Variants in RTN4RL2 observed in about 807,000 individuals in gnomAD.
RTN4RL2 encodes the protein reticulon 4 receptor like 2.
In RTN4RL2, 9 loss-of-function variants were observed where a neutral mutation model predicts 27.8. That is an observed-to-expected ratio of 0.32 (90% CI 0.20 to 0.57). RTN4RL2 has a LOEUF of 0.57. Among genes scored for constraint, RTN4RL2 ranks in the 20% least tolerant of loss-of-function variants. The probability of loss-of-function intolerance (pLI) is 0.90; values close to 1 mark genes in which losing one functional copy is unlikely to be tolerated. For missense variants in RTN4RL2, 436 were observed against 596.8 expected (o/e 0.73, Z 2.81); for synonymous variants, 285 against 297.9 (o/e 0.96, Z 0.45).
intron 1 of RTN4RL2, among the ~76,000 whole-genome samples, chr11:57,466,479 AAAAG>A (rs1184077132): frequency 6.6e-6 from 1 of 152,166 alleles, no homozygotes; most frequent in African/African-American, 2.4e-5. Context: ...CCAAAAGAAA[AAAAG>A]AAAGAAGTTT....
At position 57,477,024 on chromosome 11, in the gene RTN4RL2, C is replaced by A; in HGVS notation, c.*113C>A. 9.0e-7 allele frequency: 1 copy of A among 1,105,562 alleles called. No individual in the cohort carries two copies. Among genetic ancestry groups the A allele is most frequent in the South Asian group, 1.6e-5 (1 of 61,270 alleles). The allele number at this position is 1,105,562 out of a possible 1,614,324, so 68.5% of individuals were successfully genotyped here. ...TCCCTGGCCTTGCTGCCTCCCTTTC[C>A]CCTCCCAGCTCCTCTCCTCCCCGGG... is the stretch of plus-strand genomic sequence containing the variant. On this transcript the variant is annotated 3_prime_UTR_variant, in exon 3 of 3. Transcript: ENST00000335099.
At chr11:57,465,140 C>A (rs1034624354) in intron 1 of RTN4RL2, among the ~76,000 whole-genome samples, 1 of 152,002 alleles carries the variant, frequency 6.6e-6, no homozygotes, top group African/African-American at 2.4e-5. Flanking sequence ...CCACCCCGCA[C>A]CTGTGTGCTC....
At chr11:57,466,292 A>G (rs1943524473) in intron 1 of RTN4RL2, among the ~76,000 whole-genome samples, 1 of 151,998 alleles carries the variant, frequency 6.6e-6, no homozygotes, top group Non-Finnish European at 1.5e-5. Flanking sequence ...GGCGTGAGCC[A>G]CCGCGCCCGG....
chr11:57,462,033 G>T (rs954952220), intron 1 of RTN4RL2, among the ~76,000 whole-genome samples: 1 of 151,926 alleles, frequency 6.6e-6, no homozygotes, highest in South Asian at 2.1e-4. Flanking sequence ...TGGGCCAGAT[G>T]GGGGGTGCTT....
chr11:57,475,307 T>G (rs1368498799), intron 2 of RTN4RL2, among the ~76,000 whole-genome samples: 1 of 152,144 alleles, frequency 6.6e-6, no homozygotes, highest in African/African-American at 2.4e-5. Flanking sequence ...GATTTTGAAC[T>G]AGGGCTCTAA....
intron 1 of RTN4RL2, among the ~76,000 whole-genome samples, chr11:57,465,977 C>A (rs1368845096): frequency 1.3e-5 from 2 of 149,872 alleles, no homozygotes; most frequent in Non-Finnish European, 3.0e-5. Context: ...CATAGCAAGA[C>A]CCCATGCCTA....
At chr11:57,466,168 A>AT (rs1015005976) in intron 1 of RTN4RL2, among the ~76,000 whole-genome samples, 89 of 148,628 alleles carry the variant, frequency 6.0e-4, no homozygotes, top group African/African-American at 2.0e-3. Flanking sequence ...GCCCGGCTAA[A>AT]TTTTTTTTTT....
At position 57,460,714 on chromosome 11, in the gene RTN4RL2, G is replaced by T. The variant is rs1048210170; in HGVS notation, c.-152G>T. 21 of 349,012 alleles carry T rather than the reference G, an allele frequency of 6.0e-5. No individual in the cohort carries two copies. The highest frequency in any genetic ancestry group is 1.0e-4 in the Non-Finnish European group (20 of 191,304). 21.6% of individuals were successfully genotyped at this position (349,012 alleles called of 1,614,324 possible). Reference sequence around the variant, plus strand: ...TCCCGAGGCCCGCAGCCCGGGCGGCGCAGGGTAGAGCGCCGCGGCCCGGCC... The same window carrying T: ...TCCCGAGGCCCGCAGCCCGGGCGGCTCAGGGTAGAGCGCCGCGGCCCGGCC... On this transcript the variant is annotated 5_prime_UTR_variant, in exon 1 of 3. Transcript: ENST00000335099.
In RTN4RL2 at chr11:57,467,747, C is replaced by A; in HGVS notation, c.170C>A (p.Ser57Tyr). Residue 57 changes from serine to tyrosine, a missense_variant, in exon 2 of 3, where the codon TCC becomes TAC. Transcript: ENST00000335099. The surrounding 1 kb of genome is among the most constrained non-coding windows in gnomAD (Gnocchi z 5.5). ...QANNFSSVPL[S>Y]LPPSTQRLFL... Reference sequence around the variant, plus strand: ...AACAACTTCTCCTCTGTGCCGCTGTCCCTGCCACCCAGCACTCAGCGACTC... The same window carrying A: ...AACAACTTCTCCTCTGTGCCGCTGTACCTGCCACCCAGCACTCAGCGACTC... 1 of 1,613,870 alleles carries A rather than the reference C, an allele frequency of 6.2e-7. No homozygotes were observed. Among genetic ancestry groups the A allele is most frequent in the South Asian group, 1.1e-5 (1 of 91,070 alleles).
intron 2 of RTN4RL2, among the ~76,000 whole-genome samples, chr11:57,471,412 G>C (rs1027941267): frequency 6.6e-6 from 1 of 152,230 alleles, no homozygotes; most frequent in Non-Finnish European, 1.5e-5. Flanking sequence ...GGAAGTGTTT[G>C]TTCTCTACGC....
chr11:57,477,074 C>A lies in RTN4RL2; in HGVS notation c.*163C>A, dbSNP rs2135126191. Reference sequence around the variant, plus strand: ...GGAGCAGGCCGCCTCTCCTTGCCTGCCCCCTGGGCTGTCCTGACTTGTGGC... The same window carrying A: ...GGAGCAGGCCGCCTCTCCTTGCCTGACCCCTGGGCTGTCCTGACTTGTGGC... On this transcript the variant is annotated 3_prime_UTR_variant, in exon 3 of 3. Transcript: ENST00000335099. 1 of 656,646 alleles carries A rather than the reference C, an allele frequency of 1.5e-6. No homozygotes were observed. The allele number at this position is 656,646 out of a possible 1,614,324, so 40.7% of individuals were successfully genotyped here. A position where few individuals can be genotyped will look rare whatever the true frequency, so the allele number is the denominator to read the frequency against.
At chr11:57,470,925 G>C (rs944194716) in intron 2 of RTN4RL2, among the ~76,000 whole-genome samples, 1 of 152,002 alleles carries the variant, frequency 6.6e-6, no homozygotes, top group Non-Finnish European at 1.5e-5. Flanking sequence ...AATAGGAAAC[G>C]AGTTAGTGTA....
At chr11:57,468,650 G>T (rs775695289) in intron 2 of RTN4RL2, 1 of 1,536,156 alleles carries the variant, frequency 6.5e-7, no homozygotes, top group Admixed American at 2.0e-5. Flanking sequence ...AGAAGGCAGA[G>T]CCACAGCCAC....
intron 2 of RTN4RL2, among the ~76,000 whole-genome samples, chr11:57,472,501 G>C (rs755191121): frequency 1.3e-5 from 2 of 152,154 alleles, no homozygotes; most frequent in Admixed American, 6.5e-5. Flanking sequence ...ATGAGCCACC[G>C]TACACAGCTG....
At chr11:57,464,108 G>T (rs891313199) in intron 1 of RTN4RL2, among the ~76,000 whole-genome samples, 6 of 152,276 alleles carry the variant, frequency 3.9e-5, no homozygotes, top group Non-Finnish European at 8.8e-5. Flanking sequence ...CAGAGAGCCT[G>T]CAGGGACCAC....
intron 2 of RTN4RL2, 134 bp downstream of exon 2, chr11:57,468,224 CTCTG>C (rs922764391): frequency 1.7e-5 from 16 of 954,534 alleles, no homozygotes; most frequent in Non-Finnish European, 1.4e-5. Flanking sequence ...CTCCATTTCT[CTCTG>C]TCTATGTCTC....
At position 57,467,542 on chromosome 11, in the gene RTN4RL2, G is replaced by A. The variant is rs1333362798; in HGVS notation, c.32-67G>A. 16 of 1,537,572 alleles carry A rather than the reference G, an allele frequency of 1.0e-5. No homozygotes were observed. Among genetic ancestry groups the A allele is most frequent in the African/African-American group, 1.4e-5 (1 of 72,732 alleles). On this transcript the variant is annotated intron_variant, in intron 1 of 2. Transcript: ENST00000335099. The surrounding 1 kb of genome is among the most constrained non-coding windows in gnomAD (Gnocchi z 5.5). ...TCTAGGCCTTTTACCAAGTTGGGGG[G>A]CTGGCCCCCAGCTGGCACTCCTGCC...
chr11:57,466,689 A>G (rs1943527919), intron 1 of RTN4RL2, among the ~76,000 whole-genome samples: 1 of 152,210 alleles, frequency 6.6e-6, no homozygotes, highest in Non-Finnish European at 1.5e-5. Flanking sequence ...ACTGGGCACC[A>G]GTGGGCTGGC....
chr11:57,473,480 G>T (rs1019134754), intron 2 of RTN4RL2, among the ~76,000 whole-genome samples: 3 of 151,846 alleles, frequency 2.0e-5, no homozygotes, highest in Non-Finnish European at 4.4e-5. Context: ...GATGCAGAGA[G>T]CTGTGAACCG....
Sources: allele counts gnomAD v4.1 joint callset (sites outside exome capture counted in the v4.1 genomes callset), GRCh38; gene constraint gnomAD v4.1.1; non-coding constraint Gnocchi (gnomAD v3.1); transcripts MANE v1.5; gene names NCBI Gene and HGNC (gene_info 2026-07-23, HGNC 2026-07-21).